Variants in DRD2 observed in about 807,000 individuals in gnomAD.
DRD2 encodes dopamine receptor D2.
Under a neutral mutation model 38.0 loss-of-function variants are expected in DRD2, and 8 were observed. The ratio of observed to expected loss-of-function variants is 0.21; its 90% CI spans 0.12 to 0.38. The LOEUF (loss-of-function observed/expected upper bound fraction) is 0.38, where lower values mean the gene tolerates loss of function less well. Among genes scored for constraint, DRD2 ranks in the 10% least tolerant of loss-of-function variants. The pLI, the probability that DRD2 is intolerant of heterozygous loss-of-function variation, is 1.00. For missense variants in DRD2, 403 were observed against 607.7 expected (o/e 0.66, Z 3.54); for synonymous variants, 230 against 238.6 (o/e 0.96, Z 0.33).
chr11:113,473,448 C>A (rs1322856903), intron 1 of DRD2, among the ~76,000 whole-genome samples: 1 of 152,082 alleles, frequency 6.6e-6, no homozygotes, highest in Non-Finnish European at 1.5e-5. Context: ...AGAAAAAAAC[C>A]CTTAGAGAAA....
intron 1 of DRD2, among the ~76,000 whole-genome samples, chr11:113,434,425 G>C (rs991774908): frequency 6.6e-6 from 1 of 152,172 alleles, no homozygotes; most frequent in African/African-American, 2.4e-5. Context: ...CTTCGTGAAG[G>C]GTACAATAGC....
intron 1 of DRD2, among the ~76,000 whole-genome samples, chr11:113,457,350 G>C (rs1215848905): frequency 6.6e-6 from 1 of 151,982 alleles, no homozygotes; most frequent in Non-Finnish European, 1.5e-5. Context: ...ACAAGAAGGG[G>C]AGATCTCAGC....
At chr11:113,413,224 C>G in intron 6 of DRD2, 1 of 626,196 alleles carries the variant, frequency 1.6e-6, no homozygotes, top group South Asian at 1.4e-5. Flanking sequence ...GGGTCAAGAG[C>G]TGATGATGTT....
intron 1 of DRD2, among the ~76,000 whole-genome samples, chr11:113,443,856 GAT>G (rs1951116368): frequency 6.6e-6 from 1 of 152,080 alleles, no homozygotes; most frequent in African/African-American, 2.4e-5. Flanking sequence ...ATGCAAATGA[GAT>G]AACTGAAAAT....
At chr11:113,433,882 A>C (rs1296167213) in intron 1 of DRD2, among the ~76,000 whole-genome samples, 1 of 152,190 alleles carries the variant, frequency 6.6e-6, no homozygotes, top group Non-Finnish European at 1.5e-5. Flanking sequence ...CCTCACAGTA[A>C]AAATAGAAGC....
At chr11:113,442,972 C>G (rs906058927) in intron 1 of DRD2, among the ~76,000 whole-genome samples, 1 of 152,120 alleles carries the variant, frequency 6.6e-6, no homozygotes, top group African/African-American at 2.4e-5. Context: ...ATCTGTAAGC[C>G]TAACAAATAT....
intron 1 of DRD2, among the ~76,000 whole-genome samples, chr11:113,428,416 G>C (rs1950958585): frequency 6.6e-6 from 1 of 152,192 alleles, no homozygotes; most frequent in African/African-American, 2.4e-5. Context: ...GGCCTTGAAA[G>C]AGGCATCTCT....
chr11:113,451,834 T>C (rs1228320106), intron 1 of DRD2, among the ~76,000 whole-genome samples: 2 of 152,226 alleles, frequency 1.3e-5, no homozygotes, highest in African/African-American at 4.8e-5. Flanking sequence ...GTTAAATGAA[T>C]CTTTGACATG....
chr11:113,451,708 TC>T (rs1208980816), intron 1 of DRD2, among the ~76,000 whole-genome samples: 3 of 152,132 alleles, frequency 2.0e-5, no homozygotes, highest in Non-Finnish European at 2.9e-5. Context: ...CAGGCTGGTC[TC>T]AAACTCCTGA....
In DRD2 at chr11:113,416,877, C is replaced by A; in HGVS notation, c.518G>T (p.Gly173Val). ...GCAGAATGTACCTGCGTTATTGAGTCCGAAGAGGAGTGGGCAGGAGATGGT... is the reference window on the plus strand; with the variant it reads ...GCAGAATGTACCTGCGTTATTGAGTACGAAGAGGAGTGGGCAGGAGATGGT... ...SFTISCPLLF[G>V]LNNADQNECI... The change falls in exon 4 of 8, where the codon GGA becomes GTA. Residue 173 changes from glycine to valine, a missense_variant. Gly to Val is a moderately radical substitution (Grantham distance 109). Around this residue, in one of 4 missense-constraint regions of DRD2, gnomAD observed 162 missense variants for 254.5 expected, o/e 0.64. Transcript: ENST00000362072. The A allele has an allele frequency of 6.2e-7, 1 of 1,614,036 alleles. No individual in the cohort carries two copies. Among genetic ancestry groups the A allele is most frequent in the Non-Finnish European group, 8.5e-7 (1 of 1,179,958 alleles).
chr11:113,453,135 G>A (rs776719855), intron 1 of DRD2, among the ~76,000 whole-genome samples: 1 of 152,102 alleles, frequency 6.6e-6, no homozygotes, highest in South Asian at 2.1e-4. Flanking sequence ...TATCAAATGA[G>A]TACGTAAGAA....
chr11:113,427,801 T>C (rs1052250204), intron 1 of DRD2, among the ~76,000 whole-genome samples: 1 of 152,132 alleles, frequency 6.6e-6, no homozygotes, highest in African/African-American at 2.4e-5. Flanking sequence ...TATGTTGAAG[T>C]CCTAACCCCC....
chr11:113,437,550 C>T (rs1261366038), intron 1 of DRD2, among the ~76,000 whole-genome samples: 1 of 152,220 alleles, frequency 6.6e-6, no homozygotes, highest in Non-Finnish European at 1.5e-5. Context: ...TTCTAAGTGA[C>T]TTAGGCAACC....
In DRD2 at chr11:113,415,480, G is replaced by C; in HGVS notation, c.664C>G (p.Arg222Gly). The C allele has an allele frequency of 1.2e-6, 2 of 1,614,136 alleles. No homozygotes were observed. The highest frequency in any genetic ancestry group is 8.5e-7 in the Non-Finnish European group (1 of 1,180,018). Residue 222 changes from arginine to glycine, a missense_variant, in exon 5 of 8, where the codon CGA becomes GGA. Physicochemically the swap from Arg to Gly is moderately radical, Grantham distance 125. Transcript: ENST00000362072. ...CGGCTGCTGCGTTTGGTGTTGACTC[G>C]CTTGCGGCGTCTGCGGAGGACAATG... is the stretch of plus-strand genomic sequence containing the variant. The part of the protein sequence containing the change: ...IYIVLRRRRK[R>G]VNTKRSSRAF...
intron 1 of DRD2, among the ~76,000 whole-genome samples, chr11:113,467,644 C>T (rs1951382922): frequency 6.6e-6 from 1 of 152,190 alleles, no homozygotes; most frequent in African/African-American, 2.4e-5. Context: ...AGCAACATAC[C>T]ATGTGACACT....
chr11:113,472,437 G>A (rs1293136004), intron 1 of DRD2, among the ~76,000 whole-genome samples: 1 of 152,174 alleles, frequency 6.6e-6, no homozygotes, highest in African/African-American at 2.4e-5. Context: ...TAGTATCAAA[G>A]AAAGAACAGA....
At position 113,423,857 on chromosome 11, in the gene DRD2, C is replaced by G. The variant is rs567762829; in HGVS notation, c.285+510G>C. Among the ~76,000 whole-genome samples, 7 of 152,300 alleles carry G rather than the reference C, an allele frequency of 4.6e-5. No homozygotes were observed. In the South Asian group the frequency reaches 1.5e-3, roughly 32 times the overall value. ...GATATGGGGAGCATAAAGCAGCAGA[C>G]CCATTTCTGAAGTGGGGAGATGGGA... On this transcript the variant is annotated intron_variant, in intron 2 of 7. Coordinates refer to ENST00000362072, the MANE Select transcript of DRD2 (RefSeq NM_000795.4).
rs1591308991 is a variant in DRD2 at position 113,475,387 on chromosome 11, C to T, written c.-343G>A. 1.3e-5 allele frequency: 2 copies of T among 151,988 alleles called. No individual in the cohort carries two copies. The highest frequency in any genetic ancestry group is 3.6e-4 in the South Asian group (2 of 5,602). 9.4% of individuals were successfully genotyped at this position (151,988 alleles called of 1,614,324 possible). A position where few individuals can be genotyped will look rare whatever the true frequency, so the allele number is the denominator to read the frequency against. On this transcript the variant is annotated 5_prime_UTR_variant, in exon 1 of 8. Coordinates refer to ENST00000362072, the MANE Select transcript of DRD2 (RefSeq NM_000795.4). ...CGGCGCGGTGCGCGCGTGAGGCTGCCGGTTCGGCACTGAAGCTGGACAGCT... is the reference window on the plus strand; with the variant it reads ...CGGCGCGGTGCGCGCGTGAGGCTGCTGGTTCGGCACTGAAGCTGGACAGCT...
intron 4 of DRD2, among the ~76,000 whole-genome samples, chr11:113,416,497 GC>G (rs1950828297): frequency 6.6e-6 from 1 of 152,244 alleles, no homozygotes; most frequent in Admixed American, 6.5e-5. Flanking sequence ...GTGGATGGAA[GC>G]CCAGTAGCCT....
Sources: allele counts gnomAD v4.1 joint callset (sites outside exome capture counted in the v4.1 genomes callset), GRCh38; gene constraint gnomAD v4.1.1; regional missense constraint gnomAD v4.1.1; transcripts MANE v1.5; gene names NCBI Gene and HGNC (gene_info 2026-07-23, HGNC 2026-07-21).